Variants in FRMD6 observed in about 807,000 individuals in gnomAD.
FRMD6 encodes FERM domain containing 6.
Under a neutral mutation model 73.2 loss-of-function variants are expected in FRMD6, and 37 were observed. That is an observed-to-expected ratio of 0.51 (90% CI 0.39 to 0.66). FRMD6 has a LOEUF of 0.66. FRMD6 is among the 30% of genes least tolerant of loss of function. The pLI is 0.00. For synonymous variants in FRMD6, 273 were observed against 282.2 expected, an observed-to-expected ratio of 0.97 and a Z score of 0.33; for missense variants, 714 against 780.5, an observed-to-expected ratio of 0.91 and a Z score of 1.02.
intron 1 of FRMD6, chr14:51,522,904 T>A (rs993626135): frequency 6.6e-6 from 1 of 152,188 alleles, no homozygotes; most frequent in Non-Finnish European, 1.5e-5. Context: ...TGGAACAATA[T>A]GGGGAGATTA....
chr14:51,722,192 A>T, intron 12 of FRMD6, 112 bp downstream of exon 12: 1 of 1,080,910 alleles, frequency 9.3e-7, no homozygotes, highest in Non-Finnish European at 1.4e-6. Context: ...CAGAGACTGG[A>T]CTGCACTAAG....
At chr14:51,574,584 A>G (rs1442301596) in intron 2 of FRMD6, among the ~76,000 whole-genome samples, 1 of 152,160 alleles carries the variant, frequency 6.6e-6, no homozygotes, top group Non-Finnish European at 1.5e-5. Flanking sequence ...CAAACTTCAC[A>G]TGTCCTCACT....
chr14:51,546,399 T>C (rs561286338), intron 1 of FRMD6, among the ~76,000 whole-genome samples: 2 of 138,382 alleles, frequency 1.4e-5, no homozygotes, highest in East Asian at 2.0e-4. Flanking sequence ...AGAAACTCTT[T>C]TTTTTTTCTT....
chr14:51,639,796 A>G (rs1411420435), intron 2 of FRMD6, among the ~76,000 whole-genome samples: 4 of 152,340 alleles, frequency 2.6e-5, no homozygotes, highest in East Asian at 1.9e-4. Flanking sequence ...GAGATGAAAT[A>G]TGTCCCTAAA....
At chr14:51,585,923 A>ATGTGTGTGTGTGTGTGTG (rs144016037) in intron 2 of FRMD6, among the ~76,000 whole-genome samples, 378 of 36,642 alleles carry the variant, frequency 0.01, 101 homozygotes, top group Non-Finnish European at 0.019. Context: ...ATGCCATGGC[A>ATGTGTGTGTGTGTGTGTG]TGTGTGTGTG....
chr14:51,579,799 G>A (rs912566085), intron 2 of FRMD6, among the ~76,000 whole-genome samples: 2 of 152,030 alleles, frequency 1.3e-5, no homozygotes, highest in Admixed American at 1.3e-4. Context: ...TTGATTTCCA[G>A]GTCCTCTTCA....
At chr14:51,499,446 A>G (rs960238168) in intron 1 of FRMD6, among the ~76,000 whole-genome samples, 1 of 152,256 alleles carries the variant, frequency 6.6e-6, no homozygotes, top group Non-Finnish European at 1.5e-5. Flanking sequence ...GTTAAGTGTG[A>G]GACATTGTAT....
intron 1 of FRMD6, among the ~76,000 whole-genome samples, chr14:51,524,381 G>A (rs975323406): frequency 6.6e-6 from 1 of 151,956 alleles, no homozygotes; most frequent in Non-Finnish European, 1.5e-5. Context: ...TCATTATATC[G>A]TATTTATTTT....
At chr14:51,462,361 G>T in the FRMD6 span, among the ~76,000 whole-genome samples, 1 of 152,126 alleles carries the variant, frequency 6.6e-6, no homozygotes, top group Non-Finnish European at 1.5e-5. Context: ...TGCTGTGTAC[G>T]TGGTAAGAAA....
intron 1 of FRMD6, among the ~76,000 whole-genome samples, chr14:51,509,915 T>C (rs1478805152): frequency 1.3e-5 from 2 of 152,200 alleles, no homozygotes; most frequent in Non-Finnish European, 2.9e-5. Context: ...CATTAGCCAC[T>C]GCCCTGCGCG....
intron 1 of FRMD6, among the ~76,000 whole-genome samples, chr14:51,688,721 A>G (rs938119024): frequency 1.3e-5 from 2 of 152,206 alleles, no homozygotes; most frequent in African/African-American, 4.8e-5. Flanking sequence ...ATAGTGTTCT[A>G]TTAGCAACAA....
At chr14:51,540,036 A>G (rs1886118478) in intron 1 of FRMD6, among the ~76,000 whole-genome samples, 2 of 152,220 alleles carry the variant, frequency 1.3e-5, no homozygotes, top group Non-Finnish European at 2.9e-5. Context: ...AGAGCCTTCC[A>G]ACTATTGCCC....
At chr14:51,491,704 G>T (rs1442047126) in intron 1 of FRMD6, among the ~76,000 whole-genome samples, 3 of 152,192 alleles carry the variant, frequency 2.0e-5, no homozygotes, top group African/African-American at 7.2e-5. Context: ...TGCTGCTGGG[G>T]GATTCAAATC....
chr14:51,507,732 T>A (rs1285604175), intron 1 of FRMD6, among the ~76,000 whole-genome samples: 1 of 151,470 alleles, frequency 6.6e-6, no homozygotes, highest in East Asian at 2.0e-4. Flanking sequence ...AGAGTGAGTG[T>A]TTGTTGAAAA....
chr14:51,675,945 A>C (rs1390084133), intron 1 of FRMD6, among the ~76,000 whole-genome samples: 1 of 152,162 alleles, frequency 6.6e-6, no homozygotes, highest in Non-Finnish European at 1.5e-5. Flanking sequence ...ATATAATGAA[A>C]GGTATCAAGG....
chr14:51,590,874 C>G (rs888612854), intron 2 of FRMD6, among the ~76,000 whole-genome samples: 1 of 152,238 alleles, frequency 6.6e-6, no homozygotes, highest in Admixed American at 6.5e-5. Context: ...CTGTGACTTA[C>G]TGTTTTACTC....
At chr14:51,592,084 G>A (rs916742047) in intron 2 of FRMD6, among the ~76,000 whole-genome samples, 1 of 152,144 alleles carries the variant, frequency 6.6e-6, no homozygotes. Context: ...GTTAATATAG[G>A]AGTTGGAATT....
intron 2 of FRMD6, among the ~76,000 whole-genome samples, chr14:51,596,802 A>G (rs778286315): frequency 2.0e-5 from 3 of 152,152 alleles, no homozygotes; most frequent in Non-Finnish European, 2.9e-5. Flanking sequence ...TAGAGACTCA[A>G]GAGAAAAGCT....
intron 12 of FRMD6, among the ~76,000 whole-genome samples, chr14:51,724,804 T>C (rs1897856101): frequency 6.6e-6 from 1 of 152,086 alleles, no homozygotes; most frequent in Non-Finnish European, 1.5e-5. Context: ...CTTCATCCAT[T>C]GGCAAGAAAA....
Sources: allele counts gnomAD v4.1 joint callset (sites outside exome capture counted in the v4.1 genomes callset), GRCh38; gene constraint gnomAD v4.1.1; transcripts MANE v1.5; gene names NCBI Gene and HGNC (gene_info 2026-07-23, HGNC 2026-07-21).